The following SFXN5 variants were observed in gnomAD, a reference collection of about 807,000 sequenced individuals.
SFXN5 encodes the protein sideroflexin 5, also known as sideroflexin-5.
In SFXN5, 43 loss-of-function variants were observed where a neutral mutation model predicts 50.2. The observed-to-expected ratio is 0.86, with a 90% confidence interval of 0.67 to 1.11. The LOEUF (loss-of-function observed/expected upper bound fraction) is 1.11. Among genes scored for constraint, SFXN5 ranks in the 50% least tolerant of loss-of-function variants. SFXN5 has a pLI of 0.00. For synonymous variants in SFXN5, 203 were observed against 185.8 expected, an observed-to-expected ratio of 1.09 and a Z score of -0.75; for missense variants, 463 against 454.1, an observed-to-expected ratio of 1.02 and a Z score of -0.18.
Position 73,011,925 on chromosome 2 carries a change from A to T in SFXN5, c.357+8314T>A, listed in dbSNP as rs529468097. On this transcript the variant is annotated intron_variant, in intron 6 of 13. Transcript: ENST00000272433. The stretch of plus-strand genomic sequence containing the variant: ...TATCCTTGTGCAAAAATGGCTTTAC[A>T]AAGATTTTTCACAGCACAATCGTTT... Among the ~76,000 whole-genome samples the T allele has an allele frequency of 2.6e-5, 4 of 152,360 alleles. No individual in the cohort carries two copies. The South Asian group carries it at 8.3e-4, about 32-fold the overall frequency.
intron 9 of SFXN5, among the ~76,000 whole-genome samples, chr2:72,989,220 G>A (rs906256099): frequency 6.6e-6 from 1 of 152,034 alleles, no homozygotes; most frequent in African/African-American, 2.4e-5. Context: ...CCAGCCATGG[G>A]GCCTTTGCAG....
At chr2:72,970,560 C>T (rs1287804599) in intron 11 of SFXN5, among the ~76,000 whole-genome samples, 1 of 152,100 alleles carries the variant, frequency 6.6e-6, no homozygotes, top group Non-Finnish European at 1.5e-5. Context: ...TCACGGCTCC[C>T]CCCTAGCACC....
chr2:73,059,343 G>A, intron 1 of SFXN5: 1 of 985,456 alleles, frequency 1.0e-6, no homozygotes. Flanking sequence ...GCTCGGGGAT[G>A]AAGGGGAAGC....
chr2:73,063,561 C>T (rs1042367234), intron 1 of SFXN5, among the ~76,000 whole-genome samples: 10 of 152,078 alleles, frequency 6.6e-5, no homozygotes, highest in Non-Finnish European at 1.2e-4. Context: ...TAATGAGAAA[C>T]GTTGTGACCA....
chr2:72,966,153 G>A (rs533884395), intron 12 of SFXN5, among the ~76,000 whole-genome samples: 5 of 152,310 alleles, frequency 3.3e-5, no homozygotes, highest in Admixed American at 1.3e-4. Context: ...CAGCTTTCTC[G>A]AGCCATGGGG....
chr2:73,053,208 T>C (rs1433232702), intron 2 of SFXN5: 1 of 151,828 alleles, frequency 6.6e-6, no homozygotes, highest in South Asian at 2.1e-4. Flanking sequence ...ATCCCCCAAA[T>C]CATCTCTTGC....
At chr2:73,021,608 T>C (rs1453472567) in intron 5 of SFXN5, among the ~76,000 whole-genome samples, 1 of 152,206 alleles carries the variant, frequency 6.6e-6, no homozygotes, top group African/African-American at 2.4e-5. Context: ...CCTGGTTGTT[T>C]ATTTTCTTGC....
At chr2:72,983,506 T>C (rs913284439) in intron 10 of SFXN5, among the ~76,000 whole-genome samples, 4 of 152,208 alleles carry the variant, frequency 2.6e-5, no homozygotes, top group African/African-American at 9.6e-5. Context: ...GCCTTCCTCA[T>C]GAGGAGCTCA....
At chr2:73,016,843 C>T (rs1210780114) in intron 6 of SFXN5, among the ~76,000 whole-genome samples, 2 of 152,090 alleles carry the variant, frequency 1.3e-5, no homozygotes, top group African/African-American at 4.8e-5. Context: ...TTGAACATAT[C>T]GTAAGTTGAA....
At position 72,973,757 on chromosome 2, in the gene SFXN5, A is replaced by G. The variant is rs1670302127; in HGVS notation, c.626-2072T>C. Among the ~76,000 whole-genome samples the G allele has an allele frequency of 6.6e-6, 1 of 152,198 alleles. No homozygotes were observed. Among genetic ancestry groups the G allele is most frequent in the South Asian group, 2.1e-4 (1 of 4,834 alleles). On this transcript the variant is annotated intron_variant, in intron 10 of 13. Transcript: ENST00000272433. This position sits in a 1 kb window ranked among gnomAD's most constrained non-coding sequence, Gnocchi z 5.5. Reference sequence around the variant, plus strand: ...GTCCCCCAGGGTAGCCTTGGGAAGCAGCCACCTGGCCTCTGTGTTAGTGAC... The same window carrying G: ...GTCCCCCAGGGTAGCCTTGGGAAGCGGCCACCTGGCCTCTGTGTTAGTGAC...
Position 72,971,685 on chromosome 2 carries a change from G to A in SFXN5, c.626C>T (p.Ala209Val). 3 of 1,610,918 alleles carry A rather than the reference G, an allele frequency of 1.9e-6. No individual in the cohort carries two copies. Among genetic ancestry groups the A allele is most frequent in the Non-Finnish European group, 2.5e-6 (3 of 1,177,232 alleles). The change falls in exon 11 of 14, where the codon GCC (alanine) becomes GTC (valine). Residue 209 changes from alanine to valine, a missense_variant and splice_region_variant. Coordinates refer to ENST00000272433, the MANE Select transcript of SFXN5 (RefSeq NM_144579.3). Reference protein sequence around the residue: ...IQRFVPFPAVASANICNVVLM... With the variant: ...IQRFVPFPAVVSANICNVVLM... ...GACCACATTGCAGATATTGGCACTG[G>A]CTGCAGAGAGAGGGGATGCAGAGAG...
chr2:73,029,231 T>A (rs1222970728), intron 3 of SFXN5, among the ~76,000 whole-genome samples: 4 of 152,136 alleles, frequency 2.6e-5, no homozygotes, highest in Non-Finnish European at 2.9e-5. Flanking sequence ...AGTCCCTGAG[T>A]TGCAACGGAG....
chr2:72,992,731 C>A lies in SFXN5; in HGVS notation c.535-4383G>T, dbSNP rs145680555. Among the ~76,000 whole-genome samples the A allele has an allele frequency of 3.6e-3, 554 of 152,350 alleles. 3 individuals are homozygous for A. Among genetic ancestry groups the A allele is most frequent in the African/African-American group, 0.013 (539 of 41,582 alleles). ...CAGCCTCTGTCCCTGGATGACAGTGCACCTCCTAACCAGGCCCCCTGTTTC... is the reference window on the plus strand; with the variant it reads ...CAGCCTCTGTCCCTGGATGACAGTGAACCTCCTAACCAGGCCCCCTGTTTC... On this transcript the variant is annotated intron_variant, in intron 9 of 13. Transcript: ENST00000272433. This position sits in a 1 kb window ranked among gnomAD's most constrained non-coding sequence, Gnocchi z 4.5.
chr2:73,066,591 T>A (rs997591985), intron 1 of SFXN5, among the ~76,000 whole-genome samples: 1 of 151,054 alleles, frequency 6.6e-6, no homozygotes, highest in African/African-American at 2.4e-5. Context: ...AAAAGAGAAA[T>A]ACCCAAAGGT....
chr2:73,058,433 A>C, intron 2 of SFXN5, 95 bp downstream of exon 2: 1 of 1,191,308 alleles, frequency 8.4e-7, no homozygotes, highest in Non-Finnish European at 1.2e-6. Flanking sequence ...TATTCTCTTC[A>C]CTCCCCCATC....
At chr2:73,048,118 A>G (rs1680755318) in intron 2 of SFXN5, among the ~76,000 whole-genome samples, 1 of 152,210 alleles carries the variant, frequency 6.6e-6, no homozygotes, top group Non-Finnish European at 1.5e-5. Context: ...ACCATGTATG[A>G]CATCTATGTA....
chr2:73,024,730 G>A lies in SFXN5; in HGVS notation c.250-1516C>T, dbSNP rs557718166. On this transcript the variant is annotated intron_variant, in intron 3 of 13. Transcript: ENST00000272433. The stretch of plus-strand genomic sequence containing the variant: ...TTTTAATGGAGAAAGAAGGCTATGC[G>A]GCTAGAAGGAAGATACAGCCAGCAG... Among the ~76,000 whole-genome samples, 13 of 152,272 alleles carry A rather than the reference G, an allele frequency of 8.5e-5. No individual in the cohort carries two copies. The East Asian group carries it at 2.3e-3, about 27-fold the overall frequency.
chr2:73,002,805 T>C (rs1421822493), intron 6 of SFXN5, among the ~76,000 whole-genome samples: 1 of 150,764 alleles, frequency 6.6e-6, no homozygotes, highest in East Asian at 1.9e-4. Flanking sequence ...CCCAACTTGA[T>C]TTTTTTTTTC....
chr2:72,961,565 C>T lies in SFXN5; in HGVS notation c.828-317G>A, dbSNP rs1040488564. 2.0e-5 allele frequency among the ~76,000 whole-genome samples: 3 copies of T among 152,174 alleles called. No individual in the cohort carries two copies. The highest frequency in any genetic ancestry group is 4.4e-5 in the Non-Finnish European group (3 of 68,038). On this transcript the variant is annotated intron_variant, in intron 12 of 13. Transcript: ENST00000272433. The surrounding 1 kb of genome is among the most constrained non-coding windows in gnomAD (Gnocchi z 4.4). ...GCGTCCAGCCCCGTGCCAAGAAGGC[C>T]CTATGTGGGAGAGACACTCAAAGAG...
Sources: gnomAD v4.1 joint callset for allele counts (sites outside exome capture counted in the v4.1 genomes callset) on GRCh38, gnomAD v4.1.1 for gene constraint, Gnocchi (gnomAD v3.1) non-coding constraint, MANE v1.5 for transcripts, NCBI Gene and HGNC (gene_info 2026-07-23, HGNC 2026-07-21) for gene names.